MMP26: variants seen among roughly 807,000 people sequenced by gnomAD.
MMP26 encodes the protein matrix metallopeptidase 26, also known as matrix metalloproteinase-26.
Under a neutral mutation model 31.0 loss-of-function variants are expected in MMP26, and 33 were observed. That is an observed-to-expected ratio of 1.06 (90% CI 0.81 to 1.42). The LOEUF is 1.42. MMP26 is among the 40% of genes most tolerant of loss of function. The pLI is 0.00. For synonymous variants in MMP26, 122 were observed against 114.9 expected, an observed-to-expected ratio of 1.06 and a Z score of -0.40; for missense variants, 347 against 316.1, an observed-to-expected ratio of 1.10 and a Z score of -0.74.
intron 2 of MMP26, among the ~76,000 whole-genome samples, chr11:4,967,782 T>TTTG (rs1846616346): frequency 6.6e-6 from 1 of 152,172 alleles, no homozygotes; most frequent in Admixed American, 6.5e-5. Flanking sequence ...GATAACTATT[T>TTTG]TACAAAGATA....
intron 1 of MMP26, chr11:4,710,351 A>T (rs768697032): frequency 6.6e-6 from 3 of 456,686 alleles, no homozygotes; most frequent in African/African-American, 6.0e-5. Context: ...TCAGTTTGTC[A>T]CCAGTGCACA....
intron 1 of MMP26, among the ~76,000 whole-genome samples, chr11:4,760,226 A>C (rs868325965): frequency 2.4e-4 from 37 of 152,352 alleles, no homozygotes; most frequent in Middle Eastern, 3.4e-3. Context: ...ATCTCCATAG[A>C]ATGACAAAAT....
chr11:4,872,072 C>G (rs1332156700), intron 2 of MMP26, among the ~76,000 whole-genome samples: 2 of 151,936 alleles, frequency 1.3e-5, no homozygotes, highest in African/African-American at 2.4e-5. Flanking sequence ...CTAGTGCATG[C>G]AATAGCAGTA....
chr11:4,968,669 A>AATTTCTT (rs1210129795), intron 2 of MMP26, among the ~76,000 whole-genome samples: 4 of 151,936 alleles, frequency 2.6e-5, no homozygotes, highest in Non-Finnish European at 5.9e-5. Context: ...ACACTTTTAC[A>AATTTCTT]ATTTCTTATT....
chr11:4,981,794 A>T, intron 2 of MMP26, among the ~76,000 whole-genome samples: 1 of 151,990 alleles, frequency 6.6e-6, no homozygotes, highest in South Asian at 2.1e-4. Context: ...TCCTTATTCT[A>T]TAAGCTTTTT....
At chr11:4,802,854 C>T (rs935670047) in intron 2 of MMP26, among the ~76,000 whole-genome samples, 4 of 151,992 alleles carry the variant, frequency 2.6e-5, no homozygotes, top group African/African-American at 7.2e-5. Flanking sequence ...TTCAGATAGT[C>T]CTTTCAAATA....
chr11:4,809,926 C>T (rs1196977416), intron 2 of MMP26, among the ~76,000 whole-genome samples: 1 of 151,724 alleles, frequency 6.6e-6, no homozygotes, highest in Admixed American at 6.6e-5. Context: ...TGTCTTTAAC[C>T]AAGCATGGCA....
chr11:4,791,344 C>T (rs1201961889), intron 2 of MMP26, among the ~76,000 whole-genome samples: 2 of 152,112 alleles, frequency 1.3e-5, no homozygotes, highest in Non-Finnish European at 2.9e-5. Context: ...TTATCCAAGT[C>T]GGAGACCAAT....
At chr11:4,985,800 A>ATATT (rs1210764861) in intron 2 of MMP26, among the ~76,000 whole-genome samples, 2 of 152,200 alleles carry the variant, frequency 1.3e-5, no homozygotes, top group African/African-American at 4.8e-5. Flanking sequence ...AAAAGTGAAT[A>ATATT]TATTTGTATT....
At chr11:4,966,406 T>G (rs1171890087) in intron 2 of MMP26, among the ~76,000 whole-genome samples, 1 of 152,134 alleles carries the variant, frequency 6.6e-6, no homozygotes, top group African/African-American at 2.4e-5. Context: ...TCAGGCATCA[T>G]CGGGGGAATG....
chr11:4,923,461 G>A (rs779569292), intron 2 of MMP26: 1 of 1,613,162 alleles, frequency 6.2e-7, no homozygotes, highest in Admixed American at 1.7e-5. Flanking sequence ...TGATGCTGTA[G>A]ATGATGGGGT....
chr11:4,869,459 A>G (rs1356731049), intron 2 of MMP26, among the ~76,000 whole-genome samples: 3 of 152,238 alleles, frequency 2.0e-5, no homozygotes, highest in East Asian at 3.8e-4. Context: ...CAACAGACAC[A>G]TGGAAAAATG....
chr11:4,850,073 A>G (rs1211801412), intron 2 of MMP26, among the ~76,000 whole-genome samples: 1 of 152,220 alleles, frequency 6.6e-6, no homozygotes, highest in Non-Finnish European at 1.5e-5. Flanking sequence ...GCTACTGAAC[A>G]TTATAACTTA....
chr11:4,713,950 C>G (rs1847893672), intron 1 of MMP26, among the ~76,000 whole-genome samples: 1 of 151,966 alleles, frequency 6.6e-6, no homozygotes, highest in Non-Finnish European at 1.5e-5. Context: ...GTAGAATGAG[C>G]CCTTGGGAAG....
chr11:4,713,646 T>A (rs1847889940), intron 1 of MMP26, among the ~76,000 whole-genome samples: 1 of 152,100 alleles, frequency 6.6e-6, no homozygotes, highest in Non-Finnish European at 1.5e-5. Flanking sequence ...AAATGTTCCA[T>A]GAAAGAATAA....
intron 2 of MMP26, among the ~76,000 whole-genome samples, chr11:4,893,760 T>C (rs967954045): frequency 8.5e-5 from 13 of 152,136 alleles, no homozygotes; most frequent in African/African-American, 3.1e-4. Flanking sequence ...ATTTTTGGTA[T>C]AATGAGATCA....
chr11:4,863,622 A>G (rs974424513), intron 2 of MMP26: 4 of 152,180 alleles, frequency 2.6e-5, no homozygotes, highest in African/African-American at 9.7e-5. Context: ...ACCTTCATCA[A>G]CCTGGTGCTA....
intron 2 of MMP26, among the ~76,000 whole-genome samples, chr11:4,864,514 C>T (rs1027366988): frequency 6.6e-6 from 1 of 152,100 alleles, no homozygotes; most frequent in Non-Finnish European, 1.5e-5. Flanking sequence ...CATCATATGG[C>T]CGAAGGTTAT....
chr11:4,878,786 C>T (rs542712704), intron 2 of MMP26, among the ~76,000 whole-genome samples: 2 of 152,042 alleles, frequency 1.3e-5, no homozygotes, highest in African/African-American at 4.8e-5. Context: ...TGATAGGAAC[C>T]AGGGAAAGAG....
Sources: gnomAD v4.1 joint callset for allele counts (sites outside exome capture counted in the v4.1 genomes callset) on GRCh38, gnomAD v4.1.1 for gene constraint, MANE v1.5 for transcripts, NCBI Gene and HGNC (gene_info 2026-07-23, HGNC 2026-07-21) for gene names.